Variants in IFNG-AS1 observed in about 807,000 individuals in gnomAD.
The protein encoded by IFNG-AS1 is IFNG antisense RNA 1 (non-protein coding).
intron 3 of IFNG-AS1, among the ~76,000 whole-genome samples, chr12:68,008,283 G>T (rs1424809318): frequency 6.6e-6 from 1 of 152,122 alleles, no homozygotes; most frequent in Non-Finnish European, 1.5e-5. Context: ...AGGCATGGTG[G>T]TGGGCGCCTG....
In IFNG-AS1 at chr12:67,992,799, T is replaced by C. The variant is rs138790481; in HGVS notation, n.52-3142T>C. On this transcript the variant is annotated intron_variant and non_coding_transcript_variant, in intron 1 of 5. Transcript: ENST00000536914. The stretch of plus-strand genomic sequence containing the variant: ...TATATCTCAAAGCAAGTGTTGACTT[T>C]GCACAGTAACAATGAAAGGTAAATT... 9.2e-3 allele frequency among the ~76,000 whole-genome samples: 1,404 copies of C among 152,320 alleles called. 15 individuals are homozygous for C. Among genetic ancestry groups the C allele is most frequent in the Non-Finnish European group, 0.015 (1,037 of 68,032 alleles).
At chr12:67,994,661 A>G (rs1879593783) in intron 1 of IFNG-AS1, among the ~76,000 whole-genome samples, 1 of 152,232 alleles carries the variant, frequency 6.6e-6, no homozygotes, top group Non-Finnish European at 1.5e-5. Context: ...GGCTGAAGAA[A>G]TAAGACACTC....
chr12:67,994,297 T>C (rs1376961392), intron 1 of IFNG-AS1, among the ~76,000 whole-genome samples: 1 of 152,220 alleles, frequency 6.6e-6, no homozygotes, highest in Non-Finnish European at 1.5e-5. Flanking sequence ...TATTAACCAG[T>C]GTTGGTTCAA....
intron 3 of IFNG-AS1, among the ~76,000 whole-genome samples, chr12:68,006,637 C>A (rs1879911739): frequency 6.6e-6 from 1 of 152,144 alleles, no homozygotes; most frequent in Admixed American, 6.5e-5. Context: ...AAAAGTTCAT[C>A]AAAAAGGAAG....
At chr12:68,000,531 G>T (rs969754649) in intron 2 of IFNG-AS1, among the ~76,000 whole-genome samples, 4 of 152,138 alleles carry the variant, frequency 2.6e-5, no homozygotes, top group Non-Finnish European at 4.4e-5. Flanking sequence ...AACTAACCAG[G>T]CATCGTGGTG....
intron 3 of IFNG-AS1, among the ~76,000 whole-genome samples, chr12:68,007,389 C>CA (rs1288682831): frequency 6.6e-6 from 1 of 152,136 alleles, no homozygotes; most frequent in Non-Finnish European, 1.5e-5. Flanking sequence ...ACCCCCTTGA[C>CA]AATTAAGAAT....
At chr12:67,991,044 CA>C (rs1179738878) in intron 1 of IFNG-AS1, among the ~76,000 whole-genome samples, 1 of 152,148 alleles carries the variant, frequency 6.6e-6, no homozygotes, top group African/African-American at 2.4e-5. Flanking sequence ...AGTTGCTGTC[CA>C]GAAAGAACCT....
intron 1 of IFNG-AS1, among the ~76,000 whole-genome samples, chr12:67,991,845 AG>A: frequency 6.6e-6 from 1 of 152,374 alleles, no homozygotes; most frequent in South Asian, 2.1e-4. Flanking sequence ...GACCTTGAAA[AG>A]TTTGTTTTAA....
intron 2 of IFNG-AS1, among the ~76,000 whole-genome samples, chr12:67,999,799 T>G (rs1879725998): frequency 6.6e-6 from 1 of 152,280 alleles, no homozygotes; most frequent in South Asian, 2.1e-4. Flanking sequence ...CTAAAGTCTC[T>G]CTCTACGAAG....
chr12:67,995,290 G>A (rs980228641), intron 1 of IFNG-AS1, among the ~76,000 whole-genome samples: 8 of 151,344 alleles, frequency 5.3e-5, no homozygotes, highest in South Asian at 2.1e-4. Flanking sequence ...GCATGGTGGC[G>A]CGTGCCTATA....
intron 3 of IFNG-AS1, among the ~76,000 whole-genome samples, chr12:68,007,299 A>G (rs1296513421): frequency 1.3e-5 from 2 of 152,238 alleles, no homozygotes; most frequent in East Asian, 3.8e-4. Context: ...TAAGCACTCT[A>G]TGAATCATTA....
intron 1 of IFNG-AS1, among the ~76,000 whole-genome samples, chr12:67,992,818 G>C (rs1057320194): frequency 6.6e-6 from 1 of 152,114 alleles, no homozygotes; most frequent in African/African-American, 2.4e-5. Flanking sequence ...ACAATGAAAG[G>C]TAAATTGTTT....
chr12:67,989,941 T>A (rs1472831015), intron 1 of IFNG-AS1, among the ~76,000 whole-genome samples: 1 of 152,032 alleles, frequency 6.6e-6, no homozygotes, highest in Non-Finnish European at 1.5e-5. Flanking sequence ...GATTGAACTA[T>A]TCTAGGGAAT....
intron 3 of IFNG-AS1, among the ~76,000 whole-genome samples, chr12:68,015,950 G>C (rs1395756362): frequency 1.3e-5 from 2 of 151,166 alleles, no homozygotes; most frequent in African/African-American, 4.9e-5. Flanking sequence ...AGACGGGGGG[G>C]GGAAAAAAAA....
intron 3 of IFNG-AS1, among the ~76,000 whole-genome samples, chr12:68,015,086 A>G (rs910956161): frequency 1.3e-4 from 20 of 152,198 alleles, no homozygotes; most frequent in Non-Finnish European, 1.5e-5. Flanking sequence ...GGCCCAGGGC[A>G]GAGAAAAAGC....
chr12:67,993,970 G>A (rs142946002), intron 1 of IFNG-AS1, among the ~76,000 whole-genome samples: 236 of 152,258 alleles, frequency 1.5e-3, no homozygotes, highest in African/African-American at 5.3e-3. Flanking sequence ...TGCATAAAGG[G>A]CAGAGGGTCT....
intron 1 of IFNG-AS1, among the ~76,000 whole-genome samples, chr12:67,990,381 T>C (rs1368812426): frequency 1.3e-5 from 2 of 152,226 alleles, no homozygotes; most frequent in African/African-American, 4.8e-5. Context: ...TTCAAAGAAA[T>C]GTCTTTAACC....
intron 2 of IFNG-AS1, among the ~76,000 whole-genome samples, chr12:67,999,103 GATAGATA>G (rs1196675933): frequency 2.0e-5 from 3 of 152,068 alleles, no homozygotes; most frequent in Admixed American, 6.6e-5. Flanking sequence ...ATAGATAGAT[GATAGATA>G]ATAGATAATA....
In IFNG-AS1 at chr12:68,016,214, A is replaced by T. The variant is rs186960541; in HGVS notation, n.242-3648A>T. ...GATCAGAAGTTACAGGTGACCTCAG[A>T]TCTCCTCTCTTGCGATGCATACCGT... On this transcript the variant is annotated intron_variant and non_coding_transcript_variant, in intron 3 of 5. Coordinates refer to ENST00000536914, the Ensembl canonical transcript of IFNG-AS1. Among the ~76,000 whole-genome samples the T allele has an allele frequency of 4.5e-4, 69 of 152,258 alleles. No individual in the cohort carries two copies. The East Asian group carries it at 0.013, about 29-fold the overall frequency.
Sources: allele counts gnomAD v4.1 joint callset (sites outside exome capture counted in the v4.1 genomes callset), GRCh38; gene constraint gnomAD v4.1.1; transcripts MANE v1.5; gene names NCBI Gene and HGNC (gene_info 2026-07-23, HGNC 2026-07-21).